TFCP2: variants seen among roughly 807,000 people sequenced by gnomAD.
TFCP2 encodes the protein alpha-globin transcription factor CP2.
TFCP2 carries 33 observed loss-of-function variants against 73.4 expected under a neutral mutation model. That is an observed-to-expected ratio of 0.45 (90% CI 0.34 to 0.60). The LOEUF (loss-of-function observed/expected upper bound fraction) is 0.60. Among genes scored for constraint, TFCP2 ranks in the 20% least tolerant of loss-of-function variants. The pLI is 0.01. For synonymous variants in TFCP2, 193 were observed against 211.6 expected, an observed-to-expected ratio of 0.91 and a Z score of 0.76; for missense variants, 352 against 604.0, an observed-to-expected ratio of 0.58 and a Z score of 4.37.
intron 1 of TFCP2, among the ~76,000 whole-genome samples, chr12:51,145,243 A>G (rs1399307715): frequency 6.7e-6 from 1 of 149,258 alleles, no homozygotes; most frequent in Non-Finnish European, 1.5e-5. Flanking sequence ...TTAGCTGCGT[A>G]TGGTGGTGCA....
chr12:51,168,814 T>C (rs1941803390), intron 1 of TFCP2, among the ~76,000 whole-genome samples: 1 of 152,012 alleles, frequency 6.6e-6, no homozygotes, highest in Non-Finnish European at 1.5e-5. Context: ...ATTTCATTTT[T>C]TTTTTGAGAT....
chr12:51,150,222 A>C (rs1048821508), intron 1 of TFCP2, among the ~76,000 whole-genome samples: 1 of 152,108 alleles, frequency 6.6e-6, no homozygotes, highest in Non-Finnish European at 1.5e-5. Flanking sequence ...GTTTGAGACC[A>C]GCCTGGCCAA....
chr12:51,161,760 C>CAAAAAAAAAA (rs60679909), intron 1 of TFCP2, among the ~76,000 whole-genome samples: 1 of 76,226 alleles, frequency 1.3e-5, no homozygotes, highest in Non-Finnish European at 2.4e-5. Flanking sequence ...GACTCCATAT[C>CAAAAAAAAAA]AAAAAAAAAA....
intron 1 of TFCP2, among the ~76,000 whole-genome samples, chr12:51,122,136 G>A (rs983493752): frequency 3.3e-5 from 5 of 151,990 alleles, no homozygotes; most frequent in African/African-American, 1.2e-4. Context: ...AAACAGAGGG[G>A]TGGAAGAGAA....
intron 1 of TFCP2, among the ~76,000 whole-genome samples, chr12:51,128,948 G>A (rs1007446927): frequency 6.6e-6 from 1 of 151,614 alleles, no homozygotes; most frequent in Admixed American, 6.6e-5. Context: ...AAATTTAAGG[G>A]GATCATATTT....
chr12:51,123,449 T>A (rs1345660498), intron 1 of TFCP2, among the ~76,000 whole-genome samples: 2 of 152,168 alleles, frequency 1.3e-5, no homozygotes, highest in Non-Finnish European at 2.9e-5. Context: ...ATTTTGGAAA[T>A]ACAAAAGTCT....
At chr12:51,136,092 G>A (rs1301817934) in intron 1 of TFCP2, among the ~76,000 whole-genome samples, 1 of 151,762 alleles carries the variant, frequency 6.6e-6, no homozygotes, top group Non-Finnish European at 1.5e-5. Flanking sequence ...GGATCATGTG[G>A]TCAGGAGTTC....
rs1175384747 is a variant in TFCP2, at chr12:51,125,446, C to T, written c.123-6674G>A. The T allele has an allele frequency of 1.8e-5, 7 of 390,014 alleles. No homozygotes were observed. The Admixed American group carries it at 2.3e-4, about 13-fold the overall frequency. 24.2% of individuals were successfully genotyped at this position (390,014 alleles called of 1,614,324 possible). ...GGACCCTCTCACACCTGCTTCCACT[C>T]TGACCTCCATATGAATCAACCAGTT... On this transcript the variant is annotated intron_variant, in intron 1 of 14. Transcript: ENST00000257915.
At chr12:51,132,728 C>A (rs1231336771) in intron 1 of TFCP2, among the ~76,000 whole-genome samples, 1 of 152,106 alleles carries the variant, frequency 6.6e-6, no homozygotes. Context: ...GAACCCTGAA[C>A]TGCTAGTAAG....
At chr12:51,155,070 G>A (rs1941510094) in intron 1 of TFCP2, among the ~76,000 whole-genome samples, 1 of 151,520 alleles carries the variant, frequency 6.6e-6, no homozygotes, top group Admixed American at 6.6e-5. Flanking sequence ...AAAAGGCAGA[G>A]TAAAGGTAAA....
At chr12:51,162,721 A>C (rs1337461308) in intron 1 of TFCP2, among the ~76,000 whole-genome samples, 3 of 152,166 alleles carry the variant, frequency 2.0e-5, no homozygotes, top group African/African-American at 7.2e-5. Flanking sequence ...CCCAGGCTGG[A>C]GTGCAGTGGC....
At chr12:51,145,197 T>G in intron 1 of TFCP2, among the ~76,000 whole-genome samples, 1 of 26,654 alleles carries the variant, frequency 3.8e-5, no homozygotes, top group East Asian at 6.4e-4. Flanking sequence ...TGAGACTTCA[T>G]CTCAAAAAAA....
intron 1 of TFCP2, among the ~76,000 whole-genome samples, chr12:51,151,928 A>C (rs947271067): frequency 6.6e-6 from 1 of 152,212 alleles, no homozygotes; most frequent in African/African-American, 2.4e-5. Context: ...TAGAAAGCCA[A>C]CTAATAAATG....
intron 1 of TFCP2, among the ~76,000 whole-genome samples, chr12:51,167,168 A>G (rs1327653763): frequency 6.6e-6 from 1 of 152,226 alleles, no homozygotes; most frequent in Non-Finnish European, 1.5e-5. Context: ...CAATAAAAAT[A>G]TAAGAAAAAA....
At chr12:51,128,844 G>A (rs1045520109) in intron 1 of TFCP2, among the ~76,000 whole-genome samples, 1 of 152,174 alleles carries the variant, frequency 6.6e-6, no homozygotes, top group Non-Finnish European at 1.5e-5. Context: ...ACGATCAAAT[G>A]TGCAAATGAC....
chr12:51,115,311 G>A (rs561564252), intron 4 of TFCP2, among the ~76,000 whole-genome samples: 104 of 151,964 alleles, frequency 6.8e-4, no homozygotes, highest in Non-Finnish European at 1.2e-3. Context: ...GAGTGGAGAC[G>A]GGGTTTCACC....
chr12:51,152,724 C>A (rs898176473), intron 1 of TFCP2, among the ~76,000 whole-genome samples: 3 of 152,190 alleles, frequency 2.0e-5, no homozygotes, highest in Non-Finnish European at 2.9e-5. Flanking sequence ...AAGGTTTTCA[C>A]AAATTCTTTG....
chr12:51,141,295 G>A (rs943009291), intron 1 of TFCP2, among the ~76,000 whole-genome samples: 1 of 151,894 alleles, frequency 6.6e-6, no homozygotes, highest in Admixed American at 6.6e-5. Context: ...TAAATTTCCA[G>A]ATTTCTGTGT....
At chr12:51,096,109 A>C in intron 13 of TFCP2, 69 bp from the exon 14 acceptor site, 2 of 1,264,954 alleles carry the variant, frequency 1.6e-6, no homozygotes, top group South Asian at 2.5e-5. Context: ...TGTGTCCCTA[A>C]GGACTACCCC....
Sources: allele counts gnomAD v4.1 joint callset (sites outside exome capture counted in the v4.1 genomes callset), GRCh38; gene constraint gnomAD v4.1.1; transcripts MANE v1.5; gene names NCBI Gene and HGNC (gene_info 2026-07-23, HGNC 2026-07-21).